Variants in TICRR observed in about 807,000 individuals in gnomAD.
TICRR encodes the protein TOPBP1 interacting checkpoint and replication regulator, also known as treslin.
Under a neutral mutation model 178.1 loss-of-function variants are expected in TICRR, and 132 were observed. The ratio of observed to expected loss-of-function variants is 0.74; its 90% confidence interval spans 0.64 to 0.86. The LOEUF (loss-of-function observed/expected upper bound fraction) is 0.86. TICRR is among the 40% of genes least tolerant of loss of function. TICRR has a pLI of 0.00. For missense variants in TICRR, 2,587 were observed against 2,334.3 expected (o/e 1.11, Z -2.23); for synonymous variants, 991 against 900.7 (o/e 1.10, Z -1.79).
chr15:89,627,106 CAA>C lies in TICRR; in HGVS notation c.*23_*24del. The C allele has an allele frequency of 6.2e-7, 1 of 1,613,398 alleles. No homozygotes were observed. Among genetic ancestry groups the C allele is most frequent in the Non-Finnish European group, 8.5e-7 (1 of 1,179,964 alleles). On this transcript the variant is annotated 3_prime_UTR_variant, in exon 22 of 22. Coordinates refer to ENST00000268138, the MANE Select transcript of TICRR (RefSeq NM_152259.4). ...TTATAGCCACAAACATTACTGAGCC[CAA>C]AAGATCAAGGAGTCAGCCAGGACCC...
At chr15:89,597,542 T>A (rs990539390) in intron 7 of TICRR, among the ~76,000 whole-genome samples, 6 of 142,880 alleles carry the variant, frequency 4.2e-5, no homozygotes, top group African/African-American at 1.5e-4. Context: ...AAAAAAAAAA[T>A]CCGTTTACTA....
chr15:89,624,033 C>T lies in TICRR; in HGVS notation c.3723C>T (p.Leu1241=). Residue 1241 remains leucine, a synonymous_variant, in exon 20 of 22, where the codon CTC becomes CTT. Transcript: ENST00000268138. ...CTGCCCAGCCCAGGAGAGAGTGTCT[C>T]ACTCCCATCAGAGACCCTCTCAGAA... is the stretch of plus-strand genomic sequence containing the variant. ...SSTAQPRREC[L]TPIRDPLRTP... 3 of 1,614,024 alleles carry T rather than the reference C, an allele frequency of 1.9e-6. No individual in the cohort carries two copies. The highest frequency in any genetic ancestry group is 2.5e-6 in the Non-Finnish European group (3 of 1,180,002).
chr15:89,588,508 G>A (rs958538855), intron 4 of TICRR, among the ~76,000 whole-genome samples: 1 of 152,176 alleles, frequency 6.6e-6, no homozygotes, highest in Non-Finnish European at 1.5e-5. Flanking sequence ...GAGGACAACG[G>A]AAGGACAGGC....
rs1327423388 is a variant in TICRR at position 89,625,690 on chromosome 15, A to C, written c.5380A>C (p.Arg1794=). The change falls in exon 20 of 22, where the codon AGA becomes CGA. Residue 1794 remains arginine (R), a synonymous_variant. Coordinates refer to ENST00000268138, the MANE Select transcript of TICRR (RefSeq NM_152259.4). ...TGGAGCCAAAAGGATCTGTGACCTG[A>C]GAGAAGATTCAGAAGTTAGTAAGAG... ...DRGAKRICDL[R]EDSEVSKSKE... 7 of 1,613,728 alleles carry C rather than the reference A, an allele frequency of 4.3e-6. No individual in the cohort carries two copies. Among genetic ancestry groups the C allele is most frequent in the Non-Finnish European group, 5.9e-6 (7 of 1,180,034 alleles).
At chr15:89,605,263 A>G (rs117485236) in intron 13 of TICRR, among the ~76,000 whole-genome samples, 2,236 of 152,372 alleles carry the variant, frequency 0.015, 32 homozygotes, top group Non-Finnish European at 0.021. Context: ...GAGCATGACT[A>G]TGTTTCAGTA....
At chr15:89,577,859 C>A (rs1278105173) in intron 1 of TICRR, among the ~76,000 whole-genome samples, 1 of 151,844 alleles carries the variant, frequency 6.6e-6, no homozygotes, top group South Asian at 2.1e-4. Flanking sequence ...AGTCCGCCAA[C>A]CTCAGCCTCC....
Position 89,584,509 on chromosome 15 carries a change from T to C in TICRR, c.1158T>C (p.Thr386=), listed in dbSNP as rs1567040576. Residue 386 remains threonine, a synonymous_variant, in exon 3 of 22, where the codon ACT becomes ACC. Transcript: ENST00000268138. ...LLFQQLVSRL[T]AEELHLVADV... ...TTCAGCAGTTGGTAAGCAGGCTGAC[T>C]GCTGAAGAGTTACACCTGGTAGGTA... The C allele has an allele frequency of 2.5e-6, 4 of 1,585,718 alleles. No homozygotes were observed. Among genetic ancestry groups the C allele is most frequent in the Non-Finnish European group, 3.4e-6 (4 of 1,164,142 alleles).
chr15:89,601,871 C>G lies in TICRR; in HGVS notation c.2462C>G (p.Pro821Arg), dbSNP rs1297278226. The change falls in exon 12 of 22, where the codon CCA (proline) becomes CGA (arginine). Residue 821 changes from proline to arginine, a missense_variant. Pro to Arg is a moderately radical substitution (Grantham distance 103, BLOSUM62 -2). Transcript: ENST00000268138. ...TCCATGACACAAGAGAACAAATCAC[C>G]ACTTCTTTCTGTGCCTTTTTTGTCA... ...DDSMTQENKSPLLSVPFLSSA... is the reference protein window; with the variant it reads ...DDSMTQENKSRLLSVPFLSSA... 1.9e-6 allele frequency: 3 copies of G among 1,613,970 alleles called. No homozygotes were observed. The highest frequency in any genetic ancestry group is 2.5e-6 in the Non-Finnish European group (3 of 1,180,014).
Position 89,601,847 on chromosome 15 carries a change from C to T in TICRR, c.2438C>T (p.Ser813Phe). Residue 813 changes from serine (S) to phenylalanine (F), a missense_variant, in exon 12 of 22, where the codon TCC (serine) becomes TTC (phenylalanine). Coordinates refer to ENST00000268138, the MANE Select transcript of TICRR (RefSeq NM_152259.4). ...CCTACAGATTTTTTCAGTGATGACT[C>T]CATGACACAAGAGAACAAATCACCA... ...VLPTDFFSDD[S>F]MTQENKSPLL... is the part of the protein sequence containing the mutation. 4 of 1,614,142 alleles carry T rather than the reference C, an allele frequency of 2.5e-6. No homozygotes were observed. The highest frequency in any genetic ancestry group is 3.4e-6 in the Non-Finnish European group (4 of 1,180,030).
intron 18 of TICRR, among the ~76,000 whole-genome samples, chr15:89,620,158 T>G (rs937190383): frequency 6.6e-6 from 1 of 152,180 alleles, no homozygotes; most frequent in Admixed American, 6.5e-5. Context: ...TATCTGTGTT[T>G]ACGTTCTTCA....
At chr15:89,607,036 C>G (rs1201382333) in intron 14 of TICRR, among the ~76,000 whole-genome samples, 1 of 151,274 alleles carries the variant, frequency 6.6e-6, no homozygotes, top group Non-Finnish European at 1.5e-5. Context: ...TCTTTAAAAA[C>G]AAAAACAAAA....
chr15:89,612,515 A>G (rs187403414), intron 15 of TICRR, among the ~76,000 whole-genome samples: 6 of 152,340 alleles, frequency 3.9e-5, no homozygotes, highest in Admixed American at 6.5e-5. Flanking sequence ...TGCTATCCCA[A>G]TAGCTACAGC....
At chr15:89,598,482 C>A (rs1282978617) in intron 7 of TICRR, among the ~76,000 whole-genome samples, 1 of 152,032 alleles carries the variant, frequency 6.6e-6, no homozygotes, top group African/African-American at 2.4e-5. Flanking sequence ...CCTGTCTCAG[C>A]CTCCTGAGTA....
At position 89,599,310 on chromosome 15, in the gene TICRR, TA is replaced by T. The variant is rs775367051; in HGVS notation, c.1901-13del. The T allele has an allele frequency of 1.9e-6, 3 of 1,589,598 alleles. No homozygotes were observed. The East Asian group carries it at 6.7e-5, about 36-fold the overall frequency. On this transcript the variant is annotated splice_polypyrimidine_tract_variant and intron_variant, in intron 7 of 21. Coordinates refer to ENST00000268138, the MANE Select transcript of TICRR (RefSeq NM_152259.4). ...AAGATATGATTAATCCATTTTATTTTATTTTTTTCTCAGATTTTAAAACTGA... is the reference window on the plus strand; with the variant it reads ...AAGATATGATTAATCCATTTTATTTTTTTTTTTCTCAGATTTTAAAACTGA...
chr15:89,606,793 A>G lies in TICRR; in HGVS notation c.2690A>G (p.Gln897Arg). The change falls in exon 14 of 22, where the codon CAG (glutamine) becomes CGG (arginine). Residue 897 changes from glutamine (Q) to arginine (R), a missense_variant. Coordinates refer to ENST00000268138, the MANE Select transcript of TICRR (RefSeq NM_152259.4). ...GAGAACTCTCACCCTGCTCCTCAGCAGCCTTCCCAGCCAGTGAAAGATACA... is the reference window on the plus strand; with the variant it reads ...GAGAACTCTCACCCTGCTCCTCAGCGGCCTTCCCAGCCAGTGAAAGATACA... ...KKENSHPAPQ[Q>R]PSQPVKDTVQ... 6.2e-7 allele frequency: 1 copy of G among 1,613,914 alleles called. No homozygotes were observed. The highest frequency in any genetic ancestry group is 1.1e-5 in the South Asian group (1 of 91,068).
In TICRR at chr15:89,624,142, G is replaced by C; in HGVS notation, c.3832G>C (p.Glu1278Gln). 1.2e-6 allele frequency: 2 copies of C among 1,613,944 alleles called. No individual in the cohort carries two copies. Among genetic ancestry groups the C allele is most frequent in the Admixed American group, 1.7e-5 (1 of 59,988 alleles). The change falls in exon 20 of 22, where the codon GAG (glutamate) becomes CAG (glutamine). Residue 1278 changes from glutamate (E) to glutamine (Q), a missense_variant. By Grantham distance (29) the Glu-to-Gln change is conservative. Transcript: ENST00000268138. Reference protein sequence around the residue: ...QPHVLRAARAEEPAQKLKDKA... With the variant: ...QPHVLRAARAQEPAQKLKDKA... ...CCATGTCCTCAGAGCTGCTCGGGCA[G>C]AGGAACCAGCCCAGAAACTAAAGGA...
At chr15:89,578,566 A>G (rs988748757) in intron 1 of TICRR, among the ~76,000 whole-genome samples, 3 of 152,170 alleles carry the variant, frequency 2.0e-5, no homozygotes, top group African/African-American at 7.2e-5. Flanking sequence ...GAATTTTATT[A>G]TGTTAAATAC....
chr15:89,601,276 C>G (rs1567045499), intron 9 of TICRR, 22 bp from the exon 10 acceptor site: 1 of 1,608,144 alleles, frequency 6.2e-7, no homozygotes. Flanking sequence ...GTAGATATGA[C>G]CAAGTATTTT....
intron 16 of TICRR, among the ~76,000 whole-genome samples, chr15:89,617,762 G>A (rs1036276334): frequency 6.6e-6 from 1 of 150,532 alleles, no homozygotes; most frequent in Non-Finnish European, 1.5e-5. Context: ...CGCGATCCTG[G>A]CTCACTGCAA....
Sources: allele counts gnomAD v4.1 joint callset (sites outside exome capture counted in the v4.1 genomes callset), GRCh38; gene constraint gnomAD v4.1.1; transcripts MANE v1.5; gene names NCBI Gene and HGNC (gene_info 2026-07-23, HGNC 2026-07-21).